The following LRP1B variants were observed in gnomAD, a reference collection of about 807,000 sequenced individuals.
LRP1B encodes the protein LDL receptor related protein 1B.
LRP1B carries 217 observed loss-of-function variants against 556.6 expected under a neutral mutation model. The ratio of observed to expected loss-of-function variants is 0.39; its 90% CI spans 0.35 to 0.44. The LOEUF (loss-of-function observed/expected upper bound fraction) is 0.44. LRP1B is among the 20% of genes least tolerant of loss of function. The pLI is 1.00. For missense variants in LRP1B, 5,053 were observed against 5,620.8 expected (o/e 0.90, Z 3.23); for synonymous variants, 2,047 against 1,865.8 (o/e 1.10, Z -2.50).
At chr2:141,212,463 T>G (rs147451122) in intron 6 of LRP1B, among the ~76,000 whole-genome samples, 1 of 150,814 alleles carries the variant, frequency 6.6e-6, no homozygotes, top group African/African-American at 2.4e-5. Context: ...TTTTTTGTAT[T>G]TTAGTAGGGA....
At chr2:140,957,912 G>A (rs1695920815) in intron 18 of LRP1B, among the ~76,000 whole-genome samples, 1 of 151,492 alleles carries the variant, frequency 6.6e-6, no homozygotes, top group African/African-American at 2.4e-5. Flanking sequence ...CCTAGACTGT[G>A]AGAGGGGAAA....
At chr2:141,835,895 TATG>T (rs1310330858) in intron 1 of LRP1B, among the ~76,000 whole-genome samples, 1 of 151,964 alleles carries the variant, frequency 6.6e-6, no homozygotes, top group Non-Finnish European at 1.5e-5. Context: ...GATCTAAATG[TATG>T]ATGATTCCTC....
chr2:140,605,028 T>G (rs1682817637), intron 41 of LRP1B, among the ~76,000 whole-genome samples: 1 of 152,132 alleles, frequency 6.6e-6, no homozygotes, highest in South Asian at 2.1e-4. Context: ...CGGGTATGTC[T>G]TTATTAGCAG....
At chr2:140,387,087 A>C (rs1683790838) in intron 66 of LRP1B, among the ~76,000 whole-genome samples, 4 of 152,198 alleles carry the variant, frequency 2.6e-5, no homozygotes, top group Admixed American at 2.6e-4. Flanking sequence ...TATAAGCCTT[A>C]ATACAATACA....
chr2:141,987,580 T>A (rs1486257428), intron 1 of LRP1B, among the ~76,000 whole-genome samples: 1 of 151,390 alleles, frequency 6.6e-6, no homozygotes, highest in East Asian at 1.9e-4. Context: ...TTTTTCTTTT[T>A]CTCTCTTTGT....
Position 141,058,963 on chromosome 2 carries a change from T to C in LRP1B, c.1328A>G (p.Asn443Ser). 6.2e-7 allele frequency: 1 copy of C among 1,600,322 alleles called. No homozygotes were observed. The highest frequency in any genetic ancestry group is 1.1e-5 in the South Asian group (1 of 88,392). Residue 443 changes from asparagine (N) to serine (S), a missense_variant, in exon 9 of 91, where the codon AAT becomes AGT. By Grantham distance (46) the Asn-to-Ser change is conservative. This residue lies in a region of LRP1B where 3,619 missense variants were observed against 3,931.9 expected (regional missense o/e 0.92). Transcript: ENST00000389484. The part of the protein sequence containing the change: ...NYNIVRINRF[N>S]GTDIHSLIKI... ...AATTAATGAGTGAATATCAGTCCCA[T>C]TAAATCGGTTTATCCTTACGATATT...
At chr2:141,081,164 T>A (rs971279424) in intron 7 of LRP1B, among the ~76,000 whole-genome samples, 5 of 152,154 alleles carry the variant, frequency 3.3e-5, no homozygotes, top group African/African-American at 1.2e-4. Flanking sequence ...TGTTGATGCT[T>A]AAAATGTTTG....
chr2:141,341,458 C>T (rs930469218), intron 3 of LRP1B, among the ~76,000 whole-genome samples: 2 of 151,826 alleles, frequency 1.3e-5, no homozygotes, highest in African/African-American at 4.8e-5. Context: ...GTCTTCTCTC[C>T]CTCTTTCCCT....
chr2:141,365,848 T>C (rs1200391270), intron 3 of LRP1B, among the ~76,000 whole-genome samples: 1 of 151,956 alleles, frequency 6.6e-6, no homozygotes, highest in Non-Finnish European at 1.5e-5. Flanking sequence ...AATTTTTTGG[T>C]ATTTTTAGTA....
At chr2:141,646,785 T>C (rs1689582542) in intron 2 of LRP1B, among the ~76,000 whole-genome samples, 1 of 152,112 alleles carries the variant, frequency 6.6e-6, no homozygotes, top group Non-Finnish European at 1.5e-5. Context: ...GGCTTTAAAA[T>C]GGGTTGATTT....
chr2:140,408,339 AT>A (rs1684835420), intron 66 of LRP1B, among the ~76,000 whole-genome samples: 1 of 151,952 alleles, frequency 6.6e-6, no homozygotes, highest in Admixed American at 6.6e-5. Flanking sequence ...ATAAAAACTA[AT>A]TTAAAAAAAT....
intron 3 of LRP1B, among the ~76,000 whole-genome samples, chr2:141,292,905 T>TTAA (rs1032471270): frequency 6.6e-6 from 1 of 152,198 alleles, no homozygotes; most frequent in Non-Finnish European, 1.5e-5. Flanking sequence ...TGAACTTTAG[T>TTAA]TAATAATAAT....
At chr2:141,944,748 T>C (rs1009206392) in intron 1 of LRP1B, among the ~76,000 whole-genome samples, 7 of 152,054 alleles carry the variant, frequency 4.6e-5, no homozygotes, top group Non-Finnish European at 7.4e-5. Flanking sequence ...TACAATAAAA[T>C]AGATATTTGA....
At chr2:141,329,932 G>A (rs1402695126) in intron 3 of LRP1B, among the ~76,000 whole-genome samples, 2 of 151,848 alleles carry the variant, frequency 1.3e-5, no homozygotes, top group African/African-American at 4.8e-5. Flanking sequence ...TACGCTCAAC[G>A]CATTTGATTC....
At position 142,115,684 on chromosome 2, in the gene LRP1B, A is replaced by AAT. The variant is rs1392547135; in HGVS notation, c.82+14962_82+14963dup. On this transcript the variant is annotated intron_variant, in intron 1 of 90. Coordinates refer to ENST00000389484, the MANE Select transcript of LRP1B (RefSeq NM_018557.3). ...TAATATATATATGTAATATATATAT[A>AAT]ATATATATGTAATATATATATAATA... Among the ~76,000 whole-genome samples, 15 of 8,078 alleles carry AAT rather than the reference A, an allele frequency of 1.9e-3. 6 individuals carry two copies. The highest frequency in any genetic ancestry group is 6.2e-3 in the African/African-American group (15 of 2,402). 5.3% of individuals were successfully genotyped at this position (8,078 alleles called of 152,430 possible). A position where few individuals can be genotyped will look rare whatever the true frequency, so the allele number is the denominator to read the frequency against.
chr2:140,307,142 G>GTTAAATAA (rs1355444644), intron 83 of LRP1B, among the ~76,000 whole-genome samples: 1 of 151,884 alleles, frequency 6.6e-6, no homozygotes, highest in Non-Finnish European at 1.5e-5. Flanking sequence ...TTGGTGCAGT[G>GTTAAATAA]TTAAATAATT....
chr2:140,820,119 C>G (rs1033647771), intron 31 of LRP1B, among the ~76,000 whole-genome samples: 1 of 152,070 alleles, frequency 6.6e-6, no homozygotes, highest in Non-Finnish European at 1.5e-5. Context: ...CTTGCTTCAG[C>G]CTCCCATACC....
At chr2:141,769,058 A>T (rs1419683986) in intron 2 of LRP1B, among the ~76,000 whole-genome samples, 1 of 152,200 alleles carries the variant, frequency 6.6e-6, no homozygotes, top group Non-Finnish European at 1.5e-5. Flanking sequence ...AGAGATGACA[A>T]CTATCTGTAA....
At chr2:141,275,421 A>G (rs1328469345) in intron 3 of LRP1B, among the ~76,000 whole-genome samples, 1 of 152,166 alleles carries the variant, frequency 6.6e-6, no homozygotes, top group Non-Finnish European at 1.5e-5. Flanking sequence ...AGGAAATACC[A>G]GTAATGGTCG....
Sources: allele counts gnomAD v4.1 joint callset (sites outside exome capture counted in the v4.1 genomes callset), GRCh38; gene constraint gnomAD v4.1.1; regional missense constraint gnomAD v4.1.1; transcripts MANE v1.5; gene names NCBI Gene and HGNC (gene_info 2026-07-23, HGNC 2026-07-21).